The following SPIDR variants were observed in gnomAD, a reference collection of about 807,000 sequenced individuals.
SPIDR encodes scaffold protein involved in DNA repair, also known as DNA repair-scaffolding protein.
A neutral mutation model predicts 104.6 loss-of-function variants in SPIDR; 93 were observed. The ratio of observed to expected loss-of-function variants is 0.89; its 90% CI spans 0.75 to 1.06. The LOEUF (loss-of-function observed/expected upper bound fraction) is 1.06. Ranked by LOEUF, SPIDR falls within the 50% of genes least tolerant of loss-of-function variation. SPIDR has a pLI of 0.00. For missense variants in SPIDR, 1,154 were observed against 1,111.2 expected, an observed-to-expected ratio of 1.04 and a Z score of -0.55; for synonymous variants, 431 against 416.9, an observed-to-expected ratio of 1.03 and a Z score of -0.41.
chr8:47,602,077 C>T (rs549986070), intron 10 of SPIDR, among the ~76,000 whole-genome samples: 31 of 152,314 alleles, frequency 2.0e-4, no homozygotes, highest in African/African-American at 7.2e-4. Flanking sequence ...ACACATTTAG[C>T]AGTATGCATT....
chr8:47,428,073 C>T (rs1554686435), intron 7 of SPIDR, among the ~76,000 whole-genome samples: 2 of 152,206 alleles, frequency 1.3e-5, no homozygotes, highest in Non-Finnish European at 1.5e-5. Context: ...CAGACGTGCG[C>T]CACGACGCCT....
chr8:47,393,704 TTTCCTTTCCTTTC>T (rs2060893792), intron 5 of SPIDR, among the ~76,000 whole-genome samples: 5 of 146,286 alleles, frequency 3.4e-5, no homozygotes, highest in Non-Finnish European at 7.5e-5. Context: ...TTTCCTTTCC[TTTCCTTTCCTTTC>T]CTTTCCTTTC....
intron 6 of SPIDR, among the ~76,000 whole-genome samples, chr8:47,397,053 T>G (rs983123942): frequency 5.3e-5 from 8 of 152,262 alleles, no homozygotes; most frequent in Admixed American, 5.2e-4. Flanking sequence ...TGCCATGAAC[T>G]ACAGTGTCAG....
At chr8:47,315,609 G>A (rs1554588953) in intron 5 of SPIDR, among the ~76,000 whole-genome samples, 1 of 152,008 alleles carries the variant, frequency 6.6e-6, no homozygotes, top group Admixed American at 6.6e-5. Context: ...TTTACAAGGT[G>A]GAAAACTTAA....
chr8:47,292,933 C>T (rs1324329721), intron 4 of SPIDR, among the ~76,000 whole-genome samples: 3 of 152,040 alleles, frequency 2.0e-5, no homozygotes, highest in African/African-American at 7.2e-5. Context: ...ATACCGGCAG[C>T]GGCTCTGAGG....
chr8:47,358,081 A>G (rs1366662999), intron 5 of SPIDR, among the ~76,000 whole-genome samples: 2 of 152,150 alleles, frequency 1.3e-5, no homozygotes, highest in African/African-American at 2.4e-5. Context: ...TTTTGTTTGC[A>G]TATTCATTTG....
At chr8:47,685,190 A>G (rs1366952009) in intron 11 of SPIDR, among the ~76,000 whole-genome samples, 1 of 152,142 alleles carries the variant, frequency 6.6e-6, no homozygotes, top group African/African-American at 2.4e-5. Flanking sequence ...AGCCTGGGCA[A>G]CAAGAGCAAA....
chr8:47,385,500 A>C (rs1266059323), intron 5 of SPIDR, among the ~76,000 whole-genome samples: 1 of 152,180 alleles, frequency 6.6e-6, no homozygotes, highest in African/African-American at 2.4e-5. Context: ...CCTGTAAGAG[A>C]ATTGATAGGT....
chr8:47,489,558 A>G (rs1016189412), intron 8 of SPIDR, among the ~76,000 whole-genome samples: 1 of 152,240 alleles, frequency 6.6e-6, no homozygotes, highest in African/African-American at 2.4e-5. Flanking sequence ...ATCTTAAGCC[A>G]AAAGAACAAA....
At chr8:47,455,896 C>T (rs1188836771) in intron 8 of SPIDR, among the ~76,000 whole-genome samples, 3 of 151,986 alleles carry the variant, frequency 2.0e-5, no homozygotes, top group African/African-American at 4.8e-5. Context: ...AATAGATCTA[C>T]GTTAATTGTT....
In SPIDR at chr8:47,475,207, G is replaced by A. The variant is rs2076144303; in HGVS notation, c.1097+34665G>A. Among the ~76,000 whole-genome samples the A allele has an allele frequency of 2.0e-5, 3 of 152,188 alleles. No individual in the cohort carries two copies. The South Asian group carries it at 6.2e-4, about 32-fold the overall frequency. ...TGAATGTAGCTGAGTTCGTATACCT[G>A]CTGGTCCCTTCTCTCCTGGGTTAGC... On this transcript the variant is annotated intron_variant, in intron 8 of 19. Coordinates refer to ENST00000297423, the MANE Select transcript of SPIDR (RefSeq NM_001080394.4).
intron 10 of SPIDR, among the ~76,000 whole-genome samples, chr8:47,656,435 G>T (rs1266470893): frequency 6.6e-6 from 1 of 152,144 alleles, no homozygotes; most frequent in African/African-American, 2.4e-5. Context: ...CTAGGGAAAT[G>T]CAAATAAAAA....
Position 47,735,585 on chromosome 8 carries a change from TC to T in SPIDR, c.*136del. On this transcript the variant is annotated 3_prime_UTR_variant, in exon 20 of 20. Coordinates refer to ENST00000297423, the MANE Select transcript of SPIDR (RefSeq NM_001080394.4). ...GATCTTGAAATGAAACTTAGATTTT[TC>T]TGGGGAAATGTTCAGATACAGTTTT... The T allele has an allele frequency of 6.6e-7, 1 of 1,509,282 alleles. No homozygotes were observed. Among genetic ancestry groups the T allele is most frequent in the Non-Finnish European group, 8.9e-7 (1 of 1,121,226 alleles). The allele number at this position is 1,509,282 out of a possible 1,614,324, so 93.5% of individuals were successfully genotyped here. A position where few individuals can be genotyped will look rare whatever the true frequency, so the allele number is the denominator to read the frequency against.
At chr8:47,587,779 A>G (rs1256526355) in intron 8 of SPIDR, among the ~76,000 whole-genome samples, 1 of 151,300 alleles carries the variant, frequency 6.6e-6, no homozygotes, top group Non-Finnish European at 1.5e-5. Flanking sequence ...AAAACAAACA[A>G]AAATCACACT....
At chr8:47,294,911 T>C (rs2040566606) in intron 5 of SPIDR, among the ~76,000 whole-genome samples, 1 of 152,220 alleles carries the variant, frequency 6.6e-6, no homozygotes, top group Non-Finnish European at 1.5e-5. Flanking sequence ...GACTCCCCTT[T>C]TCGTTTCCTC....
At chr8:47,708,037 C>T (rs1033231962) in intron 14 of SPIDR, among the ~76,000 whole-genome samples, 11 of 152,216 alleles carry the variant, frequency 7.2e-5, no homozygotes, top group Admixed American at 6.5e-5. Flanking sequence ...CGGTGGCTTA[C>T]GCCTGTAATC....
At chr8:47,635,166 T>A (rs2067698440) in intron 10 of SPIDR, among the ~76,000 whole-genome samples, 1 of 151,236 alleles carries the variant, frequency 6.6e-6, no homozygotes, top group Non-Finnish European at 1.5e-5. Flanking sequence ...TGAAACCCTG[T>A]CTCTACTTAA....
At chr8:47,536,280 A>G (rs575687364) in intron 8 of SPIDR, among the ~76,000 whole-genome samples, 15 of 152,260 alleles carry the variant, frequency 9.9e-5, no homozygotes, top group Admixed American at 9.2e-4. Context: ...TTTCATGGTT[A>G]TCAACAAACT....
intron 5 of SPIDR, among the ~76,000 whole-genome samples, chr8:47,331,734 T>C (rs1453389016): frequency 6.6e-6 from 1 of 152,154 alleles, no homozygotes; most frequent in Non-Finnish European, 1.5e-5. Flanking sequence ...CTTAGCTTAC[T>C]GTAACGTTTT....
Sources: allele counts gnomAD v4.1 joint callset (sites outside exome capture counted in the v4.1 genomes callset), GRCh38; gene constraint gnomAD v4.1.1; transcripts MANE v1.5; gene names NCBI Gene and HGNC (gene_info 2026-07-23, HGNC 2026-07-21).